The following SNRNP35 variants were observed in gnomAD, a reference collection of about 807,000 sequenced individuals.
SNRNP35 encodes small nuclear ribonucleoprotein U11/U12 subunit 35, also known as U11/U12 small nuclear ribonucleoprotein 35 kDa protein.
In SNRNP35, 16 loss-of-function variants were observed where a neutral mutation model predicts 24.3. The observed-to-expected ratio is 0.66, with a 90% CI of 0.45 to 1.00. The LOEUF is 1.00. Among genes scored for constraint, SNRNP35 ranks in the 50% least tolerant of loss-of-function variants. The pLI, the probability that SNRNP35 is intolerant of heterozygous loss-of-function variation, is 0.00. For missense variants in SNRNP35, 292 were observed against 327.2 expected (o/e 0.89, Z 0.83); for synonymous variants, 106 against 124.8 (o/e 0.85, Z 1.00).
downstream of SNRNP35, among the ~76,000 whole-genome samples, chr12:123,469,461 C>T (rs966944256): frequency 3.3e-5 from 5 of 151,886 alleles, no homozygotes; most frequent in Middle Eastern, 3.4e-3. Context: ...CCATGAGAGC[C>T]GCTGTCTTAT....
downstream of SNRNP35, among the ~76,000 whole-genome samples, chr12:123,468,074 A>T (rs956799476): frequency 6.6e-6 from 1 of 152,014 alleles, no homozygotes. Context: ...AAACATGCAC[A>T]CTTGGCTGGG....
At chr12:123,472,879 G>A (rs1248588106) in exon 2 of SNRNP35, 6 of 587,376 alleles carry the variant, frequency 1.0e-5, no homozygotes, top group South Asian at 9.9e-5. Context: ...ATTTGGACAC[G>A]GTACCTTGGA....
At chr12:123,458,429 C>A (rs1880400152) in intron 1 of SNRNP35, among the ~76,000 whole-genome samples, 1 of 151,406 alleles carries the variant, frequency 6.6e-6, no homozygotes, top group African/African-American at 2.4e-5. Context: ...AGGAGAGGGG[C>A]GGGGGAGCGG....
At chr12:123,459,934 A>C in intron 1 of SNRNP35, 1 of 1,369,294 alleles carries the variant, frequency 7.3e-7, no homozygotes, top group Middle Eastern at 1.8e-4. Context: ...GATGAGAGAG[A>C]GAACAAAATC....
chr12:123,466,586 T>C lies in SNRNP35; in HGVS notation c.*305T>C, dbSNP rs140184301. 9.6e-3 allele frequency: 1,924 copies of C among 200,172 alleles called. 47 individuals carry two copies. Among genetic ancestry groups the C allele is most frequent in the African/African-American group, 0.041 (1,753 of 42,956 alleles). The allele number at this position is 200,172 out of a possible 1,614,324, so 12.4% of individuals were successfully genotyped here. A position where few individuals can be genotyped will look rare whatever the true frequency, so the allele number is the denominator to read the frequency against. On this transcript the variant is annotated 3_prime_UTR_variant, in exon 2 of 2. Transcript: ENST00000526639. ...TTTTTTGAGACAGAGTCTCACTCTG[T>C]TGCCAGGGCTGGAGTGCAGTGGTAA...
downstream of SNRNP35, among the ~76,000 whole-genome samples, chr12:123,467,208 C>A (rs1881018827): frequency 6.6e-6 from 1 of 152,178 alleles, no homozygotes; most frequent in South Asian, 2.1e-4. Context: ...AGCCCTAATA[C>A]CAGAAGGCAG....
chr12:123,466,241 A>G lies in SNRNP35; in HGVS notation c.701A>G (p.Asp234Gly). The change falls in exon 2 of 2, where the codon GAC (aspartate) becomes GGC (glycine). Residue 234 changes from aspartate to glycine, a missense_variant. Asp to Gly is a moderately conservative substitution (Grantham distance 94). Transcript: ENST00000526639. ...GAGAGAGAGAGGGACTTCAGAGATG[A>G]CAGGATCAAGGGGAGGGAGAAGAAG... ...DWERERDFRD[D>G]RIKGREKKER... 6.5e-7 allele frequency: 1 copy of G among 1,537,468 alleles called. No homozygotes were observed. The highest frequency in any genetic ancestry group is 8.7e-7 in the Non-Finnish European group (1 of 1,145,570).
At chr12:123,462,532 A>T (rs376963033) in intron 1 of SNRNP35, among the ~76,000 whole-genome samples, 1 of 128,658 alleles carries the variant, frequency 7.8e-6, no homozygotes, top group African/African-American at 3.0e-5. Context: ...TCTGAGATGG[A>T]GTCTCGCTCT....
rs1434674933 is a variant in SNRNP35 at position 123,465,003 on chromosome 12, T to C, written c.-3-535T>C. 6.6e-6 allele frequency: 1 copy of C among 152,280 alleles called. No individual in the cohort carries two copies. Among genetic ancestry groups the C allele is most frequent in the African/African-American group, 2.4e-5 (1 of 41,462 alleles). 9.4% of individuals were successfully genotyped at this position (152,280 alleles called of 1,614,324 possible). On this transcript the variant is annotated intron_variant, in intron 1 of 1. Transcript: ENST00000526639. The surrounding 1 kb of genome is among the most constrained non-coding windows in gnomAD (Gnocchi z 4.2). ...TGTTTCAGAATTATCTGGGGGCAGA[T>C]TATTCTGGCCACATGTGCATGGTGG...
rs928597839 is a variant in SNRNP35 at position 123,466,152 on chromosome 12, C to A, written c.612C>A (p.Asp204Glu). The change falls in exon 2 of 2, where the codon GAC becomes GAA. Residue 204 changes from aspartate to glutamate, a missense_variant. Transcript: ENST00000526639. ...CGAGGACAAGGGATCGAGACCATGA[C>A]AGGGGCCGGGAGAAGAGATGGCAAG... ...WDSRTRDRDH[D>E]RGREKRWQER... The A allele has an allele frequency of 1.9e-5, 31 of 1,610,192 alleles. No individual in the cohort carries two copies. The highest frequency in any genetic ancestry group is 2.6e-5 in the Non-Finnish European group (31 of 1,178,606).
chr12:123,463,368 T>G (rs1566103824), intron 1 of SNRNP35, among the ~76,000 whole-genome samples: 1 of 151,818 alleles, frequency 6.6e-6, no homozygotes, highest in Non-Finnish European at 1.5e-5. Flanking sequence ...GGTCAAGTTT[T>G]TTTTTTTTCT....
exon 2 of SNRNP35, chr12:123,472,236 TTG>T (rs1318624936): frequency 3.1e-6 from 1 of 322,450 alleles, no homozygotes; most frequent in Non-Finnish European, 5.8e-6. Flanking sequence ...TTAAAGAAGC[TTG>T]TGTTACTGAA....
Position 123,472,448 on chromosome 12 carries a change from G to A in SNRNP35, n.1455G>A, listed in dbSNP as rs111439154. 2,382 of 1,432,540 alleles carry A rather than the reference G, an allele frequency of 1.7e-3. 13 individuals carry two copies. The highest frequency in any genetic ancestry group is 0.016 in the African/African-American group (1,116 of 70,376). The allele number at this position is 1,432,540 out of a possible 1,614,324, so 88.7% of individuals were successfully genotyped here. A position where few individuals can be genotyped will look rare whatever the true frequency, so the allele number is the denominator to read the frequency against. On this transcript the variant is annotated non_coding_transcript_exon_variant, in exon 2 of 2. Coordinates refer to the SNRNP35 transcript ENST00000527158. ...TTTTCAGGGTGCATCTGCACCGAGA[G>A]GCTTGAGGCAGCAATGACCCCTGGG...
At chr12:123,472,729 G>A (rs1881278831) in exon 2 of SNRNP35, 1 of 1,570,154 alleles carries the variant, frequency 6.4e-7, no homozygotes, top group Non-Finnish European at 8.6e-7. Flanking sequence ...ACCCTTTGCT[G>A]TGCAAGTCAC....
intron 1 of SNRNP35, among the ~76,000 whole-genome samples, chr12:123,460,329 G>A (rs1880538427): frequency 6.6e-6 from 1 of 152,108 alleles, no homozygotes; most frequent in African/African-American, 2.4e-5. Context: ...ACTGCCCCTG[G>A]TTCTAACTCC....
At chr12:123,472,654 GCTT>G (rs1268860841) in exon 2 of SNRNP35, 14 of 1,598,740 alleles carry the variant, frequency 8.8e-6, no homozygotes, top group African/African-American at 1.3e-5. Flanking sequence ...TTGGCCAGGC[GCTT>G]CTTATCTCGG....
In SNRNP35 at chr12:123,465,973, G is replaced by A. The variant is rs776345334; in HGVS notation, c.433G>A (p.Gly145Arg). 1 of 1,613,984 alleles carries A rather than the reference G, an allele frequency of 6.2e-7. No homozygotes were observed. The highest frequency in any genetic ancestry group is 8.5e-7 in the Non-Finnish European group (1 of 1,179,990). Residue 145 changes from glycine (G) to arginine (R), a missense_variant, in exon 2 of 2, where the codon GGG (glycine) becomes AGG (arginine). Physicochemically the swap from Gly to Arg is moderately radical, Grantham distance 125. Coordinates refer to ENST00000526639, the MANE Select transcript of SNRNP35 (RefSeq NM_022717.4). This position sits in a 1 kb window ranked among gnomAD's most constrained non-coding sequence, Gnocchi z 4.2. The part of the protein sequence containing the change: ...WIPRRLGGGL[G>R]GKKESGQLRF... ...CCCTCGGCGACTTGGAGGCGGTCTT[G>A]GGGGAAAAAAGGAGTCTGGGCAACT... is the stretch of plus-strand genomic sequence containing the variant.
chr12:123,464,061 G>A (rs956562399), intron 1 of SNRNP35, among the ~76,000 whole-genome samples: 1 of 150,888 alleles, frequency 6.6e-6, no homozygotes, highest in African/African-American at 2.4e-5. Context: ...AGCCTCTTGA[G>A]TACCTGGGAT....
Position 123,465,971 on chromosome 12 carries a change from T to G in SNRNP35, c.431T>G (p.Leu144Arg), listed in dbSNP as rs772638754. The G allele has an allele frequency of 1.2e-6, 2 of 1,613,894 alleles. No homozygotes were observed. Among genetic ancestry groups the G allele is most frequent in the African/African-American group, 1.3e-5 (1 of 74,934 alleles). ...ATCCCTCGGCGACTTGGAGGCGGTC[T>G]TGGGGGAAAAAAGGAGTCTGGGCAA... ...GWIPRRLGGG[L>R]GGKKESGQLR... The change falls in exon 2 of 2, where the codon CTT becomes CGT. Residue 144 changes from leucine (L) to arginine (R), a missense_variant. Leu to Arg is a moderately radical substitution (Grantham distance 102, BLOSUM62 -2). Transcript: ENST00000526639. The surrounding 1 kb of genome is among the most constrained non-coding windows in gnomAD (Gnocchi z 4.2).
Sources: allele counts gnomAD v4.1 joint callset (sites outside exome capture counted in the v4.1 genomes callset), GRCh38; gene constraint gnomAD v4.1.1; non-coding constraint Gnocchi (gnomAD v3.1); transcripts MANE v1.5; gene names NCBI Gene and HGNC (gene_info 2026-07-23, HGNC 2026-07-21).